USP32: variants seen among roughly 807,000 people sequenced by gnomAD.
USP32 encodes the protein ubiquitin carboxyl-terminal hydrolase 32.
A neutral mutation model predicts 204.8 loss-of-function variants in USP32; 59 were observed. That is an observed-to-expected ratio of 0.29 (90% CI 0.23 to 0.36). The LOEUF (loss-of-function observed/expected upper bound fraction) is 0.36. Among genes scored for constraint, USP32 ranks in the 10% least tolerant of loss-of-function variants. The pLI is 1.00. For synonymous variants in USP32, 517 were observed against 678.4 expected, an observed-to-expected ratio of 0.76 and a Z score of 3.70; for missense variants, 1,160 against 1,946.4, an observed-to-expected ratio of 0.60 and a Z score of 7.60.
chr17:60,302,416 G>C (rs775824262), intron 2 of USP32, among the ~76,000 whole-genome samples: 2 of 152,204 alleles, frequency 1.3e-5, no homozygotes, highest in Admixed American at 1.3e-4. Flanking sequence ...CAAAGTGCCG[G>C]CATTATAGGC....
intron 4 of USP32, 76 bp downstream of exon 4, chr17:60,294,607 A>C (rs779456950): frequency 1.2e-5 from 11 of 881,590 alleles, no homozygotes; most frequent in Non-Finnish European, 1.9e-5. Context: ...TGTTTGTCAT[A>C]CTTAAAACTT....
intron 9 of USP32, among the ~76,000 whole-genome samples, chr17:60,261,418 G>A (rs771108792): frequency 2.6e-5 from 4 of 152,098 alleles, no homozygotes; most frequent in Non-Finnish European, 5.9e-5. Flanking sequence ...AGGCCAAGGC[G>A]GGTGGATCAC....
chr17:60,263,917 A>G (rs1315784579), intron 9 of USP32, among the ~76,000 whole-genome samples: 1 of 152,172 alleles, frequency 6.6e-6, no homozygotes, highest in Non-Finnish European at 1.5e-5. Context: ...ATTTAATAAC[A>G]CCATTGTGGT....
At chr17:60,220,168 T>C (rs1160792493) in intron 15 of USP32, among the ~76,000 whole-genome samples, 5 of 152,074 alleles carry the variant, frequency 3.3e-5, no homozygotes, top group African/African-American at 1.2e-4. Flanking sequence ...TTCATAAAAA[T>C]TGAGTTACAA....
At chr17:60,235,060 G>A (rs1332848792) in intron 12 of USP32, among the ~76,000 whole-genome samples, 2 of 152,132 alleles carry the variant, frequency 1.3e-5, no homozygotes, top group Non-Finnish European at 2.9e-5. Context: ...TCTTGTCAGT[G>A]CAGTTCAGTC....
chr17:60,240,924 G>C (rs1350420381), intron 11 of USP32, among the ~76,000 whole-genome samples: 2 of 152,126 alleles, frequency 1.3e-5, no homozygotes, highest in African/African-American at 4.8e-5. Context: ...GGTAAATTCT[G>C]AGTTAAGTAT....
At position 60,235,852 on chromosome 17, in the gene USP32, G is replaced by A. The variant is rs570802684; in HGVS notation, c.1239+286C>T. ...ATTATCTTCCTCACAAGGGTGGTGC[G>A]AGAAATAAATGAGATGTGATGTATG... On this transcript the variant is annotated intron_variant, in intron 12 of 33. Transcript: ENST00000300896. Among the ~76,000 whole-genome samples the A allele has an allele frequency of 2.6e-5, 4 of 152,226 alleles. No individual in the cohort carries two copies. The South Asian group carries it at 8.3e-4, about 32-fold the overall frequency.
At chr17:60,237,935 T>C (rs925782269) in intron 11 of USP32, among the ~76,000 whole-genome samples, 8 of 152,188 alleles carry the variant, frequency 5.3e-5, no homozygotes, top group African/African-American at 1.7e-4. Context: ...TATTCTGGTA[T>C]ATATTTAGAA....
At chr17:60,297,811 C>T (rs954961259) in intron 3 of USP32, among the ~76,000 whole-genome samples, 1 of 152,200 alleles carries the variant, frequency 6.6e-6, no homozygotes, top group Non-Finnish European at 1.5e-5. Flanking sequence ...TGAATAAGCA[C>T]TGGCCTTGAG....
intron 12 of USP32, among the ~76,000 whole-genome samples, chr17:60,226,825 G>A (rs530158731): frequency 3.3e-5 from 5 of 151,408 alleles, no homozygotes; most frequent in South Asian, 2.1e-4. Context: ...TTGGGAGACC[G>A]AGGCAGATGG....
chr17:60,347,778 T>C (rs1477640590), intron 1 of USP32, among the ~76,000 whole-genome samples: 1 of 151,798 alleles, frequency 6.6e-6, no homozygotes, highest in Admixed American at 6.6e-5. Flanking sequence ...ACACAGCCAG[T>C]ACCGAGAAAC....
chr17:60,242,309 T>C (rs753612798), intron 11 of USP32, among the ~76,000 whole-genome samples: 10 of 152,140 alleles, frequency 6.6e-5, no homozygotes, highest in African/African-American at 1.4e-4. Flanking sequence ...GGACCATTTT[T>C]TTTTCTTTTT....
chr17:60,231,620 C>G (rs762182394), intron 12 of USP32: 2 of 516,096 alleles, frequency 3.9e-6, no homozygotes, highest in Non-Finnish European at 7.8e-6. Context: ...AGAACAGGGA[C>G]CCCCCAAAGC....
chr17:60,206,683 A>G (rs1368204713), intron 25 of USP32, among the ~76,000 whole-genome samples: 2 of 151,694 alleles, frequency 1.3e-5, no homozygotes, highest in African/African-American at 4.9e-5. Flanking sequence ...ATTACATATA[A>G]TATTGGATTT....
chr17:60,307,043 C>G (rs1209196897), intron 2 of USP32, among the ~76,000 whole-genome samples: 3 of 151,042 alleles, frequency 2.0e-5, no homozygotes, highest in African/African-American at 7.3e-5. Context: ...AGGACACACA[C>G]ACAAAATGGA....
intron 27 of USP32, among the ~76,000 whole-genome samples, chr17:60,194,535 A>G (rs543282649): frequency 4.6e-5 from 7 of 152,282 alleles, no homozygotes; most frequent in East Asian, 3.9e-4. Context: ...TTTACTCACT[A>G]AAGATTGCAG....
intron 2 of USP32, among the ~76,000 whole-genome samples, chr17:60,308,797 G>A (rs993202120): frequency 2.6e-5 from 4 of 152,012 alleles, no homozygotes; most frequent in South Asian, 2.1e-4. Flanking sequence ...GCGTGGTGGC[G>A]CATGCCTGTA....
intron 2 of USP32, among the ~76,000 whole-genome samples, chr17:60,315,171 G>A (rs1202032361): frequency 6.6e-6 from 1 of 152,160 alleles, no homozygotes; most frequent in Non-Finnish European, 1.5e-5. Flanking sequence ...GCCGAGGTGG[G>A]CGGAATGCCT....
At chr17:60,373,368 T>C (rs73320787) in intron 1 of USP32, among the ~76,000 whole-genome samples, 134 of 152,144 alleles carry the variant, frequency 8.8e-4, no homozygotes, top group African/African-American at 2.8e-3. Context: ...GTAGATTTTA[T>C]AAACACTGTG....
Sources: allele counts gnomAD v4.1 joint callset (sites outside exome capture counted in the v4.1 genomes callset), GRCh38; gene constraint gnomAD v4.1.1; transcripts MANE v1.5; gene names NCBI Gene and HGNC (gene_info 2026-07-23, HGNC 2026-07-21).